RAB3C: variants seen among roughly 807,000 people sequenced by gnomAD.
RAB3C encodes the protein RAB3C, member RAS oncogene family.
In RAB3C, 17 loss-of-function variants were observed where a neutral mutation model predicts 26.4. That is an observed-to-expected ratio of 0.64 (90% CI 0.44 to 0.97). RAB3C has a LOEUF of 0.97. Among genes scored for constraint, RAB3C ranks in the 50% least tolerant of loss-of-function variants. The probability of loss-of-function intolerance (pLI) is 0.00; values close to 1 mark genes in which losing one functional copy is unlikely to be tolerated. For missense variants in RAB3C, 242 were observed against 281.9 expected, an observed-to-expected ratio of 0.86 and a Z score of 1.01; for synonymous variants, 91 against 95.9, an observed-to-expected ratio of 0.95 and a Z score of 0.30.
At chr5:58,696,624 T>C (rs532329086) in intron 2 of RAB3C, among the ~76,000 whole-genome samples, 100 of 152,364 alleles carry the variant, frequency 6.6e-4, no homozygotes, top group Admixed American at 1.1e-3. Flanking sequence ...ATTCAGAGAT[T>C]AAACTTCTTC....
In RAB3C at chr5:58,751,611, T is replaced by C. The variant is rs1421521424; in HGVS notation, c.371+25491T>C. Among the ~76,000 whole-genome samples, 4 of 152,372 alleles carry C rather than the reference T, an allele frequency of 2.6e-5. No homozygotes were observed. The East Asian group carries it at 7.7e-4, about 29-fold the overall frequency. On this transcript the variant is annotated intron_variant, in intron 3 of 4. Transcript: ENST00000282878. ...ATTGGATACAAAGAATATTTGTGATTTCTATTGTCATATGGCTAAAGTCCA... is the reference window on the plus strand; with the variant it reads ...ATTGGATACAAAGAATATTTGTGATCTCTATTGTCATATGGCTAAAGTCCA...
intron 2 of RAB3C, among the ~76,000 whole-genome samples, chr5:58,714,898 A>G (rs1009525525): frequency 6.6e-6 from 1 of 152,034 alleles, no homozygotes; most frequent in African/African-American, 2.4e-5. Context: ...TATACAAATA[A>G]ATATAGTGGT....
intron 4 of RAB3C, among the ~76,000 whole-genome samples, chr5:58,836,804 C>T (rs1457914552): frequency 1.3e-5 from 2 of 152,112 alleles, no homozygotes; most frequent in Non-Finnish European, 2.9e-5. Context: ...TAGGTTGATT[C>T]CATATCTTGG....
chr5:58,807,914 C>T (rs573390892), intron 3 of RAB3C, among the ~76,000 whole-genome samples: 12 of 152,148 alleles, frequency 7.9e-5, no homozygotes, highest in Non-Finnish European at 1.3e-4. Flanking sequence ...TTCTAAAACT[C>T]TAGTGTTTAC....
intron 2 of RAB3C, among the ~76,000 whole-genome samples, chr5:58,624,790 C>T (rs1272550300): frequency 6.6e-6 from 1 of 152,010 alleles, no homozygotes; most frequent in Non-Finnish European, 1.5e-5. Flanking sequence ...GATTTGAGAC[C>T]TCTCTGTGTA....
At chr5:58,789,358 C>T (rs1742468827) in intron 3 of RAB3C, among the ~76,000 whole-genome samples, 1 of 152,104 alleles carries the variant, frequency 6.6e-6, no homozygotes, top group African/African-American at 2.4e-5. Context: ...AAACCAGATA[C>T]CCTTAAGCCT....
At chr5:58,680,669 A>G (rs980224358) in intron 2 of RAB3C, among the ~76,000 whole-genome samples, 9 of 152,158 alleles carry the variant, frequency 5.9e-5, no homozygotes, top group African/African-American at 2.2e-4. Context: ...GTGTTTACCC[A>G]GCTTGTAGAG....
At chr5:58,791,736 C>T (rs909199947) in intron 3 of RAB3C, among the ~76,000 whole-genome samples, 1 of 152,164 alleles carries the variant, frequency 6.6e-6, no homozygotes, top group Non-Finnish European at 1.5e-5. Context: ...ATAAGCAGGT[C>T]TCTACCATCA....
intron 3 of RAB3C, among the ~76,000 whole-genome samples, chr5:58,816,617 T>G (rs1035254003): frequency 7.2e-5 from 11 of 152,158 alleles, no homozygotes; most frequent in Admixed American, 5.2e-4. Context: ...CATACTTAAT[T>G]ATGTATTTGT....
At chr5:58,643,509 T>A in intron 2 of RAB3C, among the ~76,000 whole-genome samples, 1 of 152,138 alleles carries the variant, frequency 6.6e-6, no homozygotes. Flanking sequence ...TTTAATTATG[T>A]TTAGAAGTTG....
intron 2 of RAB3C, among the ~76,000 whole-genome samples, chr5:58,717,460 TGA>T (rs1255406230): frequency 6.6e-6 from 1 of 152,126 alleles, no homozygotes; most frequent in Non-Finnish European, 1.5e-5. Context: ...AGCTTCTGTG[TGA>T]CAGACATCTG....
rs1199242615 is a variant in RAB3C at position 58,616,502 on chromosome 5, G to T, written c.25-1141G>T. Among the ~76,000 whole-genome samples, 11 of 152,204 alleles carry T rather than the reference G, an allele frequency of 7.2e-5. No homozygotes were observed. The South Asian group carries it at 2.1e-3, about 29-fold the overall frequency. Reference sequence around the variant, plus strand: ...GAGCCAAATGGTACTTAGAAGTAATGCAATATCATTTTTGATAGATGTTAA... The same window carrying T: ...GAGCCAAATGGTACTTAGAAGTAATTCAATATCATTTTTGATAGATGTTAA... On this transcript the variant is annotated intron_variant, in intron 1 of 4. Transcript: ENST00000282878.
intron 2 of RAB3C, among the ~76,000 whole-genome samples, chr5:58,632,968 G>A (rs542381115): frequency 7.2e-5 from 11 of 152,162 alleles, no homozygotes; most frequent in Non-Finnish European, 1.2e-4. Flanking sequence ...TCTCTGAACT[G>A]GACATGAAGC....
chr5:58,624,288 C>T (rs1397367692), intron 2 of RAB3C, among the ~76,000 whole-genome samples: 3 of 152,142 alleles, frequency 2.0e-5, no homozygotes, highest in African/African-American at 7.2e-5. Context: ...CAACACCATC[C>T]TGGGGACTCG....
intron 2 of RAB3C, among the ~76,000 whole-genome samples, chr5:58,725,184 G>C (rs1419933139): frequency 6.6e-6 from 1 of 151,786 alleles, no homozygotes. Flanking sequence ...CATAGATAAA[G>C]GATATTTTTG....
chr5:58,848,249 T>A (rs1163653667), intron 4 of RAB3C, among the ~76,000 whole-genome samples: 1 of 152,240 alleles, frequency 6.6e-6, no homozygotes, highest in Non-Finnish European at 1.5e-5. Flanking sequence ...GTGTAAGATA[T>A]CAGAGTACTT....
intron 3 of RAB3C, among the ~76,000 whole-genome samples, chr5:58,745,524 T>C (rs1209081592): frequency 6.6e-6 from 1 of 151,852 alleles, no homozygotes; most frequent in Non-Finnish European, 1.5e-5. Flanking sequence ...CTTCCATTCT[T>C]CCATCAGAAC....
chr5:58,645,261 G>T (rs1561277091), intron 2 of RAB3C, among the ~76,000 whole-genome samples: 2 of 152,186 alleles, frequency 1.3e-5, no homozygotes, highest in Non-Finnish European at 2.9e-5. Context: ...TAGCACCACA[G>T]TATATAAATT....
At chr5:58,752,194 A>G (rs1010074191) in intron 3 of RAB3C, among the ~76,000 whole-genome samples, 11 of 152,218 alleles carry the variant, frequency 7.2e-5, no homozygotes, top group African/African-American at 2.4e-4. Flanking sequence ...TTGGCAACAA[A>G]TCTGTTGACT....
Sources: allele counts gnomAD v4.1 joint callset (sites outside exome capture counted in the v4.1 genomes callset), GRCh38; gene constraint gnomAD v4.1.1; transcripts MANE v1.5; gene names NCBI Gene and HGNC (gene_info 2026-07-23, HGNC 2026-07-21).